Variants in MAPKAPK3 observed in about 807,000 individuals in gnomAD.
MAPKAPK3 encodes the protein MAP kinase-activated protein kinase 3.
MAPKAPK3 carries 35 observed loss-of-function variants against 49.2 expected under a neutral mutation model. That is an observed-to-expected ratio of 0.71 (90% CI 0.54 to 0.94). MAPKAPK3 has a LOEUF of 0.94. MAPKAPK3 is among the 40% of genes least tolerant of loss of function. The pLI is 0.00. For missense variants in MAPKAPK3, 398 were observed against 493.1 expected, an observed-to-expected ratio of 0.81 and a Z score of 1.83; for synonymous variants, 178 against 188.7, an observed-to-expected ratio of 0.94 and a Z score of 0.46.
upstream of MAPKAPK3, chr3:50,613,652 C>A (rs564114155): frequency 6.6e-6 from 1 of 152,330 alleles, no homozygotes; most frequent in East Asian, 1.9e-4. Flanking sequence ...GGGGCCAAAT[C>A]CCAAGCTCTC....
At position 50,641,784 on chromosome 3, in the gene MAPKAPK3, A is replaced by G; in HGVS notation, c.424+13A>G. On this transcript the variant is annotated intron_variant, in intron 4 of 10. Transcript: ENST00000621469. ...TTCACTGAGAGAGGTATGTGCATGT[A>G]GCTGGACCAGCAGGAGGATTCAGGG... 2 of 1,612,562 alleles carry G rather than the reference A, an allele frequency of 1.2e-6. No homozygotes were observed. The highest frequency in any genetic ancestry group is 2.2e-5 in the South Asian group (2 of 91,056).
chr3:50,637,259 C>A (rs2033063169), intron 2 of MAPKAPK3, among the ~76,000 whole-genome samples: 1 of 152,126 alleles, frequency 6.6e-6, no homozygotes, highest in Non-Finnish European at 1.5e-5. Flanking sequence ...CCTGCCAGGC[C>A]CCAGCCAGGG....
At chr3:50,619,981 T>C (rs968949557) in intron 2 of MAPKAPK3, among the ~76,000 whole-genome samples, 17 of 152,186 alleles carry the variant, frequency 1.1e-4, no homozygotes, top group African/African-American at 4.1e-4. Context: ...TGGCCCTAAA[T>C]TGGCCCTCAA....
upstream of MAPKAPK3, among the ~76,000 whole-genome samples, chr3:50,614,829 G>A (rs2032424284): frequency 6.6e-6 from 1 of 152,190 alleles, no homozygotes; most frequent in African/African-American, 2.4e-5. Context: ...GCCTGTGGAA[G>A]CATGGACACT....
At chr3:50,645,203 G>A (rs1474766359) in intron 6 of MAPKAPK3, among the ~76,000 whole-genome samples, 1 of 152,140 alleles carries the variant, frequency 6.6e-6, no homozygotes, top group Admixed American at 6.5e-5. Flanking sequence ...GATGTGTTTT[G>A]CACTAAGTAT....
At chr3:50,617,118 G>GGGGGGGGGA (rs2032486773), upstream of MAPKAPK3, 1 of 21,814 alleles carries the variant, frequency 4.6e-5, no homozygotes, top group Admixed American at 3.8e-4. Context: ...GGGGTGGGGA[G>GGGGGGGGGA]GGGGGGGAGG....
Position 50,642,236 on chromosome 3 carries a change from C to T in MAPKAPK3, c.425-17C>T, listed in dbSNP as rs772790753. ...TTTGACTGGCATCACTGACCCCCTC[C>T]TCCTCTGTTTCTGCAGAAGCTGCAG... is the stretch of plus-strand genomic sequence containing the variant. On this transcript the variant is annotated splice_polypyrimidine_tract_variant and intron_variant, in intron 4 of 10. Coordinates refer to ENST00000621469, the MANE Select transcript of MAPKAPK3 (RefSeq NM_001243925.2). 4 of 1,587,458 alleles carry T rather than the reference C, an allele frequency of 2.5e-6. No individual in the cohort carries two copies. The highest frequency in any genetic ancestry group is 3.5e-6 in the Non-Finnish European group (4 of 1,156,044).
chr3:50,642,916 A>G (rs1018905201), intron 5 of MAPKAPK3, among the ~76,000 whole-genome samples: 19 of 152,142 alleles, frequency 1.2e-4, no homozygotes, highest in African/African-American at 4.3e-4. Flanking sequence ...CAGTGGCGCA[A>G]TCTCGGCTCA....
At chr3:50,635,314 G>C (rs1381163631) in intron 2 of MAPKAPK3, among the ~76,000 whole-genome samples, 1 of 151,836 alleles carries the variant, frequency 6.6e-6, no homozygotes, top group Non-Finnish European at 1.5e-5. Flanking sequence ...GGGTAGGTGA[G>C]GTACAGGCTG....
chr3:50,648,938 C>A lies in MAPKAPK3; in HGVS notation c.*892C>A, dbSNP rs2033370456. 6.6e-6 allele frequency: 1 copy of A among 152,268 alleles called. No homozygotes were observed. Among genetic ancestry groups the A allele is most frequent in the African/African-American group, 2.4e-5 (1 of 41,464 alleles). 9.4% of individuals were successfully genotyped at this position (152,268 alleles called of 1,614,324 possible). A position where few individuals can be genotyped will look rare whatever the true frequency, so the allele number is the denominator to read the frequency against. ...TTTTGGTATACTTGTGTGAAAGTGG[C>A]TGGTTGGGAGCAGAGCTAAGTGGCT... On this transcript the variant is annotated 3_prime_UTR_variant, in exon 11 of 11. Coordinates refer to ENST00000621469, the MANE Select transcript of MAPKAPK3 (RefSeq NM_001243925.2).
At chr3:50,611,659 G>C, upstream of MAPKAPK3, 1 of 1,487,656 alleles carries the variant, frequency 6.7e-7, no homozygotes, top group Non-Finnish European at 8.9e-7. Context: ...ATGTCCCCGC[G>C]GCAGCGGCGA....
upstream of MAPKAPK3, chr3:50,611,649 A>G: frequency 6.7e-7 from 1 of 1,494,462 alleles, no homozygotes; most frequent in Non-Finnish European, 8.9e-7. Context: ...GCAGAGGACC[A>G]TGTCCCCGCG....
At chr3:50,614,688 C>A (rs1234174446), upstream of MAPKAPK3, among the ~76,000 whole-genome samples, 1 of 152,196 alleles carries the variant, frequency 6.6e-6, no homozygotes, top group Non-Finnish European at 1.5e-5. Flanking sequence ...ATCCTCCCAT[C>A]ATTGTGGAGG....
rs1254507565 is a variant in MAPKAPK3 at position 50,646,775 on chromosome 3, C to A, written c.865C>A (p.Pro289Thr). The A allele has an allele frequency of 1.2e-6, 2 of 1,613,948 alleles. No individual in the cohort carries two copies. Among genetic ancestry groups the A allele is most frequent in the African/African-American group, 2.7e-5 (2 of 74,902 alleles). ...GATCCGCCTCCTGTTGAAGACAGAC[C>A]CCACAGAGAGGCTGACCATCACTCA... is the stretch of plus-strand genomic sequence containing the variant. ...QLIRLLLKTD[P>T]TERLTITQFM... The change falls in exon 9 of 11, where the codon CCC becomes ACC. Residue 289 changes from proline (P) to threonine (T), a missense_variant. By Grantham distance (38) the Pro-to-Thr change is conservative. Transcript: ENST00000621469.
At chr3:50,625,080 G>A (rs745342046) in intron 2 of MAPKAPK3, among the ~76,000 whole-genome samples, 22 of 152,052 alleles carry the variant, frequency 1.4e-4, no homozygotes, top group Non-Finnish European at 2.8e-4. Flanking sequence ...AAGTGACTTT[G>A]GACTAAAGGC....
intron 2 of MAPKAPK3, among the ~76,000 whole-genome samples, chr3:50,621,716 T>C (rs1559483086): frequency 6.6e-6 from 1 of 151,902 alleles, no homozygotes; most frequent in African/African-American, 2.4e-5. Flanking sequence ...GAGGCTGCAG[T>C]GAGCTGTGGT....
intron 2 of MAPKAPK3, among the ~76,000 whole-genome samples, chr3:50,626,370 C>T (rs2032742847): frequency 6.6e-6 from 1 of 152,136 alleles, no homozygotes; most frequent in African/African-American, 2.4e-5. Context: ...TGAGCTGCAC[C>T]TGCACTAGCT....
chr3:50,641,711 G>C lies in MAPKAPK3; in HGVS notation c.364G>C (p.Glu122Gln). The part of the protein sequence containing the change: ...RCLLIIMECM[E>Q]GGELFSRIQE... Reference sequence around the variant, plus strand: ...TTATAGTCACCTCTTTTACAGCATGGAAGGTGGTGAGTTGTTCAGCAGGAT... The same window carrying C: ...TTATAGTCACCTCTTTTACAGCATGCAAGGTGGTGAGTTGTTCAGCAGGAT... The change falls in exon 4 of 11, where the codon GAA (glutamate) becomes CAA (glutamine). Residue 122 changes from glutamate (E) to glutamine (Q), a missense_variant. Physicochemically the swap from Glu to Gln is conservative, Grantham distance 29. Around this residue, in one of 5 missense-constraint regions of MAPKAPK3, gnomAD observed 52 missense variants for 91.9 expected, o/e 0.57. Transcript: ENST00000621469. 1 of 1,613,972 alleles carries C rather than the reference G, an allele frequency of 6.2e-7. No individual in the cohort carries two copies. The highest frequency in any genetic ancestry group is 8.5e-7 in the Non-Finnish European group (1 of 1,179,822).
intron 2 of MAPKAPK3, among the ~76,000 whole-genome samples, chr3:50,619,717 A>G (rs772270741): frequency 1.3e-5 from 2 of 152,102 alleles, no homozygotes; most frequent in African/African-American, 2.4e-5. Context: ...TGAGTCAGGG[A>G]TGGGGTGGGA....
Sources: gnomAD v4.1 joint callset for allele counts (sites outside exome capture counted in the v4.1 genomes callset) on GRCh38, gnomAD v4.1.1 for gene constraint, gnomAD v4.1.1 regional missense constraint, MANE v1.5 for transcripts, NCBI Gene and HGNC (gene_info 2026-07-23, HGNC 2026-07-21) for gene names.